The following CDH9 variants were observed in gnomAD, a reference collection of about 807,000 sequenced individuals.
CDH9 encodes the protein cadherin-9.
CDH9 carries 28 observed loss-of-function variants against 70.9 expected under a neutral mutation model. The observed-to-expected ratio is 0.40, with a 90% CI of 0.29 to 0.54. The LOEUF (loss-of-function observed/expected upper bound fraction) is 0.54. Ranked by LOEUF, CDH9 falls within the 20% of genes least tolerant of loss-of-function variation. The probability of loss-of-function intolerance (pLI) is 0.59; values close to 1 mark genes in which losing one functional copy is unlikely to be tolerated. For missense variants in CDH9, 874 were observed against 984.4 expected (o/e 0.89, Z 1.50); for synonymous variants, 409 against 343.1 (o/e 1.19, Z -2.12).
intron 2 of CDH9, among the ~76,000 whole-genome samples, chr5:26,956,858 C>A (rs181228576): frequency 1.4e-4 from 21 of 152,196 alleles, no homozygotes; most frequent in Admixed American, 1.3e-3. Context: ...ATAAAATCAT[C>A]ATCATAATAG....
chr5:26,925,054 TG>T (rs1554037132), intron 2 of CDH9, among the ~76,000 whole-genome samples: 1 of 152,176 alleles, frequency 6.6e-6, no homozygotes, highest in Non-Finnish European at 1.5e-5. Context: ...TATAATCCTT[TG>T]GGCATATATC....
At chr5:27,003,647 A>T (rs1742809125) in intron 1 of CDH9, among the ~76,000 whole-genome samples, 1 of 152,080 alleles carries the variant, frequency 6.6e-6, no homozygotes, top group African/African-American at 2.4e-5. Flanking sequence ...ATTCCAACAA[A>T]GTGGCATTCT....
intron 1 of CDH9, among the ~76,000 whole-genome samples, chr5:27,007,562 C>T (rs1296555453): frequency 2.0e-5 from 3 of 151,934 alleles, no homozygotes; most frequent in African/African-American, 7.2e-5. Flanking sequence ...AACTTTTTGT[C>T]AGCCTGGTGA....
intron 2 of CDH9, among the ~76,000 whole-genome samples, chr5:26,954,522 C>G (rs1171155358): frequency 3.3e-5 from 5 of 150,728 alleles, no homozygotes; most frequent in African/African-American, 1.2e-4. Context: ...GTAGCTGGCA[C>G]TACAGGTGCC....
intron 2 of CDH9, among the ~76,000 whole-genome samples, chr5:26,976,608 T>C (rs1338253656): frequency 6.6e-6 from 1 of 152,056 alleles, no homozygotes; most frequent in Non-Finnish European, 1.5e-5. Context: ...AGGCTAATTT[T>C]GTGTATTTTT....
Position 26,902,636 on chromosome 5 carries a change from T to C in CDH9, c.1093A>G (p.Lys365Glu), listed in dbSNP as rs182057099. ...GATATTTTGACCACAGCTGTATCTT[T>C]GAAAGGTCCCAGGTGTAAGAATCGT... ...DPRFLHLGPFKDTAVVKISVE... is the reference protein window; with the variant it reads ...DPRFLHLGPFEDTAVVKISVE... The change falls in exon 7 of 12, where the codon AAA (lysine) becomes GAA (glutamate). Residue 365 changes from lysine to glutamate, a missense_variant. Physicochemically the swap from Lys to Glu is moderately conservative, Grantham distance 56 (BLOSUM62 1). Coordinates refer to ENST00000231021, the MANE Select transcript of CDH9 (RefSeq NM_016279.4). 6 of 1,600,968 alleles carry C rather than the reference T, an allele frequency of 3.7e-6. No individual in the cohort carries two copies. In the Admixed American group the frequency reaches 8.4e-5, roughly 22 times the overall value.
chr5:26,902,871 A>T, intron 6 of CDH9, 142 bp from the exon 7 acceptor site: 1 of 578,952 alleles, frequency 1.7e-6, no homozygotes, highest in Non-Finnish European at 3.0e-6. Flanking sequence ...AGGTATATGA[A>T]ATAAATTTAT....
intron 2 of CDH9, among the ~76,000 whole-genome samples, chr5:26,980,510 C>G (rs925131550): frequency 1.3e-5 from 2 of 151,828 alleles, no homozygotes; most frequent in African/African-American, 4.8e-5. Context: ...GCATTTTTTC[C>G]ATAAACACCA....
At chr5:27,029,103 A>T (rs1312644121) in intron 1 of CDH9, among the ~76,000 whole-genome samples, 1 of 152,046 alleles carries the variant, frequency 6.6e-6, no homozygotes, top group Non-Finnish European at 1.5e-5. Context: ...TTTAAAAGAG[A>T]TAATTACAAA....
chr5:26,941,977 A>T (rs57562032), intron 2 of CDH9, among the ~76,000 whole-genome samples: 121,641 of 152,042 alleles, frequency 0.8, 51,327 homozygotes, highest in East Asian at 0.99. Context: ...GCTAGCTAGG[A>T]TCTCTCTTCT....
At chr5:26,933,620 A>C (rs1741504306) in intron 2 of CDH9, among the ~76,000 whole-genome samples, 2 of 151,974 alleles carry the variant, frequency 1.3e-5, no homozygotes, top group Non-Finnish European at 2.9e-5. Context: ...CTAAAAATAC[A>C]AAAATTAGCT....
At chr5:26,889,472 C>T (rs1001483669) in intron 9 of CDH9, among the ~76,000 whole-genome samples, 1 of 151,980 alleles carries the variant, frequency 6.6e-6, no homozygotes, top group Admixed American at 6.6e-5. Flanking sequence ...GAAACAATTT[C>T]ATTTTCATAC....
intron 2 of CDH9, among the ~76,000 whole-genome samples, chr5:26,939,516 T>C (rs971729654): frequency 6.6e-6 from 1 of 151,576 alleles, no homozygotes; most frequent in Non-Finnish European, 1.5e-5. Flanking sequence ...ATTCTCAAAT[T>C]TACAGTGACA....
At chr5:26,935,853 C>A (rs1171947973) in intron 2 of CDH9, among the ~76,000 whole-genome samples, 1 of 152,018 alleles carries the variant, frequency 6.6e-6, no homozygotes, top group African/African-American at 2.4e-5. Context: ...TGGAACCAAC[C>A]TAAGTGCCTA....
chr5:26,923,414 T>C (rs1353222617), intron 2 of CDH9, among the ~76,000 whole-genome samples: 1 of 151,938 alleles, frequency 6.6e-6, no homozygotes, highest in Non-Finnish European at 1.5e-5. Context: ...AGCACACCTA[T>C]ATATACAAAG....
intron 9 of CDH9, among the ~76,000 whole-genome samples, chr5:26,888,319 T>C (rs1007890732): frequency 2.6e-5 from 4 of 152,080 alleles, no homozygotes; most frequent in Admixed American, 1.3e-4. Context: ...GAGAATTATA[T>C]CAAAAGAAAG....
intron 1 of CDH9, among the ~76,000 whole-genome samples, chr5:26,988,602 C>T (rs146963133): frequency 8.6e-5 from 13 of 151,802 alleles, no homozygotes; most frequent in African/African-American, 3.1e-4. Context: ...AATTTAGCAG[C>T]TAATTTAAAA....
At chr5:26,978,443 A>T (rs2112081259) in intron 2 of CDH9, among the ~76,000 whole-genome samples, 1 of 152,052 alleles carries the variant, frequency 6.6e-6, no homozygotes, top group East Asian at 1.9e-4. Flanking sequence ...ATAAATCTGA[A>T]AATAAATTTT....
At chr5:26,924,794 C>G (rs945483605) in intron 2 of CDH9, among the ~76,000 whole-genome samples, 1 of 152,044 alleles carries the variant, frequency 6.6e-6, no homozygotes, top group African/African-American at 2.4e-5. Flanking sequence ...TAAGTGAGAA[C>G]ATGCAGTGCT....
Sources: allele counts gnomAD v4.1 joint callset (sites outside exome capture counted in the v4.1 genomes callset), GRCh38; gene constraint gnomAD v4.1.1; transcripts MANE v1.5; gene names NCBI Gene and HGNC (gene_info 2026-07-23, HGNC 2026-07-21).